ATP10A: variants seen among roughly 807,000 people sequenced by gnomAD.
The protein encoded by ATP10A is ATPase phospholipid transporting 10A (putative), also known as phospholipid-transporting ATPase VA.
In ATP10A, 111 loss-of-function variants were observed where a neutral mutation model predicts 147.8. That is an observed-to-expected ratio of 0.75 (90% CI 0.64 to 0.88). ATP10A has a LOEUF of 0.88. Ranked by LOEUF, ATP10A falls within the 40% of genes least tolerant of loss-of-function variation. The probability of loss-of-function intolerance (pLI) is 0.00; values close to 1 mark genes in which losing one functional copy is unlikely to be tolerated. For synonymous variants in ATP10A, 875 were observed against 841.6 expected (o/e 1.04, Z -0.69); for missense variants, 1,927 against 1,959.0 (o/e 0.98, Z 0.31).
At chr15:25,846,458 A>C (rs902429894) in intron 1 of ATP10A, among the ~76,000 whole-genome samples, 2 of 152,294 alleles carry the variant, frequency 1.3e-5, no homozygotes, top group African/African-American at 4.8e-5. Flanking sequence ...CACGTGGTCC[A>C]CTTCCAGGAA....
At chr15:25,847,860 G>A (rs1893097335) in intron 1 of ATP10A, among the ~76,000 whole-genome samples, 2 of 151,850 alleles carry the variant, frequency 1.3e-5, no homozygotes, top group Admixed American at 6.6e-5. Context: ...TCCAACTCCT[G>A]AGCTCAAGCA....
At position 25,713,912 on chromosome 15, in the gene ATP10A, T is replaced by C; in HGVS notation, c.2106A>G (p.Ala702=). The change falls in exon 10 of 21, where the codon GCA becomes GCG. Residue 702 remains alanine (A), a synonymous_variant. Coordinates refer to ENST00000555815, the MANE Select transcript of ATP10A (RefSeq NM_024490.4). ...TGTAGGCTCTGGCCGCATACACCAGTGCGGCCTCATCCGGGCTCTCCGCCT... is the reference window on the plus strand; with the variant it reads ...TGTAGGCTCTGGCCGCATACACCAGCGCGGCCTCATCCGGGCTCTCCGCCT... ...RYEAESPDEA[A]LVYAARAYNC... is the part of the protein sequence containing the mutation. 4 of 1,613,098 alleles carry C rather than the reference T, an allele frequency of 2.5e-6. No homozygotes were observed. Among genetic ancestry groups the C allele is most frequent in the South Asian group, 2.2e-5 (2 of 91,082 alleles).
At chr15:25,859,949 C>T (rs1240217905) in intron 1 of ATP10A, among the ~76,000 whole-genome samples, 1 of 152,162 alleles carries the variant, frequency 6.6e-6, no homozygotes, top group Admixed American at 6.5e-5. Flanking sequence ...CTTGGACCGA[C>T]ACTCCTATGC....
intron 2 of ATP10A, among the ~76,000 whole-genome samples, chr15:25,777,063 G>A (rs1889642797): frequency 6.6e-6 from 1 of 151,362 alleles, no homozygotes; most frequent in South Asian, 2.1e-4. Context: ...GGTGGGGTGT[G>A]TGTGTGTGTG....
At chr15:25,764,382 A>T (rs931488008) in intron 2 of ATP10A, among the ~76,000 whole-genome samples, 1 of 152,168 alleles carries the variant, frequency 6.6e-6, no homozygotes, top group Non-Finnish European at 1.5e-5. Flanking sequence ...TCCCCCATGT[A>T]TATGTTAAAA....
At chr15:25,847,844 C>G (rs755687888) in intron 1 of ATP10A, among the ~76,000 whole-genome samples, 9 of 151,922 alleles carry the variant, frequency 5.9e-5, no homozygotes, top group Non-Finnish European at 8.8e-5. Flanking sequence ...GTTTTCCAGG[C>G]TGGTATCCAA....
chr15:25,859,683 A>G (rs1230425738), intron 1 of ATP10A, among the ~76,000 whole-genome samples: 2 of 152,120 alleles, frequency 1.3e-5, no homozygotes, highest in East Asian at 3.9e-4. Context: ...CAGAAGGAGG[A>G]AACAGGACTG....
intron 1 of ATP10A, among the ~76,000 whole-genome samples, chr15:25,856,966 G>GA (rs145323015): frequency 0.012 from 1,852 of 152,128 alleles, 35 homozygotes; most frequent in African/African-American, 0.043. Context: ...AATTGCAAGG[G>GA]AAAAAAAGAA....
chr15:25,760,324 T>C (rs1437417332), intron 2 of ATP10A, among the ~76,000 whole-genome samples: 1 of 152,200 alleles, frequency 6.6e-6, no homozygotes, highest in Non-Finnish European at 1.5e-5. Flanking sequence ...GTGTTATTAA[T>C]AGATGTTCCA....
At chr15:25,686,179 A>G (rs1899703956) in intron 16 of ATP10A, among the ~76,000 whole-genome samples, 1 of 152,208 alleles carries the variant, frequency 6.6e-6, no homozygotes, top group Non-Finnish European at 1.5e-5. Context: ...ATTTGCTAGA[A>G]GACGCTCCGA....
At position 25,812,782 on chromosome 15, in the gene ATP10A, G is replaced by A. The variant is rs374125038; in HGVS notation, c.450-31559C>T. ...ACACTATTGATCTCTGAGTGGGATT[G>A]TTAGAAGGACAAAGTGTGATTTCAC... On this transcript the variant is annotated intron_variant, in intron 1 of 20. Transcript: ENST00000555815. 1.2e-4 allele frequency among the ~76,000 whole-genome samples: 18 copies of A among 152,300 alleles called. No homozygotes were observed. In the South Asian group the frequency reaches 3.5e-3, roughly 30 times the overall value.
intron 1 of ATP10A, among the ~76,000 whole-genome samples, chr15:25,830,962 T>G (rs1035157697): frequency 6.6e-5 from 10 of 152,228 alleles, no homozygotes; most frequent in African/African-American, 2.2e-4. Flanking sequence ...TTCAGAGCTT[T>G]GGCTGTGCCG....
At chr15:25,694,312 T>C (rs1198486571) in intron 14 of ATP10A, among the ~76,000 whole-genome samples, 1 of 152,190 alleles carries the variant, frequency 6.6e-6, no homozygotes, top group Non-Finnish European at 1.5e-5. Flanking sequence ...ACTTATTTAC[T>C]CAGAAGCCTG....
At chr15:25,792,402 C>T (rs1225676888) in intron 1 of ATP10A, among the ~76,000 whole-genome samples, 1 of 152,224 alleles carries the variant, frequency 6.6e-6, no homozygotes, top group Non-Finnish European at 1.5e-5. Flanking sequence ...CTCCCCCTGC[C>T]CCAGCCAGTC....
At chr15:25,767,108 A>G (rs1396721114) in intron 2 of ATP10A, among the ~76,000 whole-genome samples, 1 of 152,194 alleles carries the variant, frequency 6.6e-6, no homozygotes, top group African/African-American at 2.4e-5. Flanking sequence ...GTTCTGGTCT[A>G]GAGAGCCATT....
chr15:25,682,053 TA>T (rs5811392), intron 17 of ATP10A, among the ~76,000 whole-genome samples: 100 of 127,166 alleles, frequency 7.9e-4, no homozygotes, highest in Admixed American at 1.9e-3. Flanking sequence ...GACCTTGTCT[TA>T]AAAAAAAAAA....
chr15:25,688,913 T>C (rs1441033830), intron 15 of ATP10A, among the ~76,000 whole-genome samples: 2 of 152,208 alleles, frequency 1.3e-5, no homozygotes, highest in Non-Finnish European at 2.9e-5. Flanking sequence ...TGATTCATTC[T>C]CTCAAAAATC....
intron 17 of ATP10A, among the ~76,000 whole-genome samples, chr15:25,681,738 A>G (rs146825751): frequency 2.0e-5 from 3 of 152,316 alleles, no homozygotes; most frequent in South Asian, 2.1e-4. Context: ...GACGAGCTTC[A>G]GTAGCTCCAG....
chr15:25,724,175 A>T (rs776969381), intron 5 of ATP10A, among the ~76,000 whole-genome samples, 154 bp from the exon 6 acceptor site: 1 of 152,174 alleles, frequency 6.6e-6, no homozygotes, highest in African/African-American at 2.4e-5. Flanking sequence ...CGAAAACACA[A>T]TGTTCTCAGC....
Sources: allele counts gnomAD v4.1 joint callset (sites outside exome capture counted in the v4.1 genomes callset), GRCh38; gene constraint gnomAD v4.1.1; transcripts MANE v1.5; gene names NCBI Gene and HGNC (gene_info 2026-07-23, HGNC 2026-07-21).